PPM1L: variants seen among roughly 807,000 people sequenced by gnomAD.
The protein encoded by PPM1L is protein phosphatase, Mg2+/Mn2+ dependent 1L.
In PPM1L, 13 loss-of-function variants were observed where a neutral mutation model predicts 31.4. That is an observed-to-expected ratio of 0.41 (90% CI 0.27 to 0.66). PPM1L has a LOEUF of 0.66. Among genes scored for constraint, PPM1L ranks in the 30% least tolerant of loss-of-function variants. The pLI is 0.29. For missense variants in PPM1L, 326 were observed against 453.7 expected, an observed-to-expected ratio of 0.72 and a Z score of 2.56; for synonymous variants, 184 against 175.4, an observed-to-expected ratio of 1.05 and a Z score of -0.39.
intron 1 of PPM1L, among the ~76,000 whole-genome samples, chr3:160,786,558 T>C (rs1711939067): frequency 6.6e-6 from 1 of 151,432 alleles, no homozygotes; most frequent in South Asian, 2.1e-4. Context: ...GAACATCTTC[T>C]TATGGAATAA....
rs1250397942 is a variant in PPM1L at position 161,072,174 on chromosome 3, A to G, written c.*3017A>G. ...AATTAATTGTATCTAAAATTCTTTC[A>G]TCATAGGAATAAACAACACATATAG... On this transcript the variant is annotated 3_prime_UTR_variant, in exon 4 of 4. Coordinates refer to ENST00000498165, the MANE Select transcript of PPM1L (RefSeq NM_139245.4). 6.6e-6 allele frequency: 1 copy of G among 152,220 alleles called. No homozygotes were observed. Among genetic ancestry groups the G allele is most frequent in the East Asian group, 1.9e-4 (1 of 5,196 alleles). 9.4% of individuals were successfully genotyped at this position (152,220 alleles called of 1,614,324 possible).
intron 2 of PPM1L, among the ~76,000 whole-genome samples, chr3:160,985,271 G>T (rs548717724): frequency 6.6e-6 from 1 of 152,254 alleles, no homozygotes; most frequent in South Asian, 2.1e-4. Flanking sequence ...AGTGTACACT[G>T]TACCCAATGT....
chr3:160,894,172 C>A (rs1713255361), intron 1 of PPM1L, among the ~76,000 whole-genome samples: 1 of 152,180 alleles, frequency 6.6e-6, no homozygotes, highest in Non-Finnish European at 1.5e-5. Flanking sequence ...CTACAAAAAA[C>A]ATTGACAGCC....
intron 2 of PPM1L, among the ~76,000 whole-genome samples, chr3:160,973,613 G>C (rs1716428787): frequency 2.0e-5 from 3 of 152,186 alleles, no homozygotes; most frequent in African/African-American, 7.2e-5. Flanking sequence ...TAGGTAAAAT[G>C]CATCCTTGGT....
chr3:161,005,838 A>G (rs1717685625), intron 2 of PPM1L, among the ~76,000 whole-genome samples: 1 of 152,210 alleles, frequency 6.6e-6, no homozygotes, highest in Non-Finnish European at 1.5e-5. Flanking sequence ...AGAAGGTGCA[A>G]AGATTAAAAT....
chr3:160,941,093 T>A (rs1444697216), intron 1 of PPM1L, among the ~76,000 whole-genome samples: 1 of 152,214 alleles, frequency 6.6e-6, no homozygotes, highest in Admixed American at 6.5e-5. Context: ...GGGACTTGCA[T>A]GGACTCTGTA....
intron 1 of PPM1L, among the ~76,000 whole-genome samples, chr3:160,887,519 A>G (rs989546668): frequency 6.6e-6 from 1 of 152,080 alleles, no homozygotes; most frequent in Admixed American, 6.5e-5. Context: ...GATTAACAGC[A>G]GATCTCTCAG....
chr3:160,908,438 G>A (rs1476864348), intron 1 of PPM1L, among the ~76,000 whole-genome samples: 2 of 152,102 alleles, frequency 1.3e-5, no homozygotes, highest in African/African-American at 4.8e-5. Context: ...GTTTCCTGGA[G>A]CCTTGTTTTA....
intron 1 of PPM1L, among the ~76,000 whole-genome samples, chr3:160,814,045 A>G (rs1354469602): frequency 6.6e-6 from 1 of 152,250 alleles, no homozygotes; most frequent in African/African-American, 2.4e-5. Context: ...TTTATCTTTT[A>G]AAAACTGCAA....
chr3:160,832,212 G>A lies in PPM1L; in HGVS notation c.399+75505G>A, dbSNP rs150506644. ...GTTTTACTCCCTGAGTGGATACACT[G>A]CTATGTACAATGGCAGTGGAGGAGA... On this transcript the variant is annotated intron_variant, in intron 1 of 3. Coordinates refer to ENST00000498165, the MANE Select transcript of PPM1L (RefSeq NM_139245.4). Among the ~76,000 whole-genome samples, 625 of 152,246 alleles carry A rather than the reference G, an allele frequency of 4.1e-3. 2 individuals are homozygous for A. Among genetic ancestry groups the A allele is most frequent in the African/African-American group, 0.015 (607 of 41,554 alleles).
At chr3:161,006,697 T>C (rs1202680012) in intron 2 of PPM1L, among the ~76,000 whole-genome samples, 1 of 149,190 alleles carries the variant, frequency 6.7e-6, no homozygotes, top group Non-Finnish European at 1.5e-5. Flanking sequence ...TTTTTTTTTT[T>C]TTTGAGACGG....
intron 1 of PPM1L, among the ~76,000 whole-genome samples, chr3:160,775,144 A>G (rs1162548690): frequency 6.6e-6 from 1 of 152,210 alleles, no homozygotes; most frequent in Non-Finnish European, 1.5e-5. Flanking sequence ...CCCATTTTAC[A>G]GTTGGGGAAA....
At chr3:160,990,361 T>C (rs1717093796) in intron 2 of PPM1L, among the ~76,000 whole-genome samples, 1 of 152,128 alleles carries the variant, frequency 6.6e-6, no homozygotes. Context: ...GATAATATAA[T>C]CTACCTATAT....
chr3:161,049,504 C>G (rs1719200245), intron 2 of PPM1L, among the ~76,000 whole-genome samples: 1 of 152,164 alleles, frequency 6.6e-6, no homozygotes, highest in African/African-American at 2.4e-5. Flanking sequence ...TAATAAGGTT[C>G]TACATCTTGC....
chr3:161,003,724 T>C (rs896905453), intron 2 of PPM1L, among the ~76,000 whole-genome samples: 22 of 152,232 alleles, frequency 1.4e-4, no homozygotes, highest in Non-Finnish European at 2.9e-4. Flanking sequence ...GCCTATCAGC[T>C]TAAGGAGATT....
intron 2 of PPM1L, among the ~76,000 whole-genome samples, chr3:160,968,022 C>T (rs1432697432): frequency 1.3e-5 from 2 of 152,030 alleles, no homozygotes; most frequent in Non-Finnish European, 2.9e-5. Context: ...TCTCCTTACA[C>T]AGCCACATAA....
At chr3:160,882,169 C>A (rs1258433842) in intron 1 of PPM1L, 1 of 152,052 alleles carries the variant, frequency 6.6e-6, no homozygotes. Flanking sequence ...TATTAATTTC[C>A]CAAGATTCAT....
At chr3:160,799,836 A>G (rs1422362340) in intron 1 of PPM1L, among the ~76,000 whole-genome samples, 1 of 152,132 alleles carries the variant, frequency 6.6e-6, no homozygotes, top group Non-Finnish European at 1.5e-5. Flanking sequence ...GATACTTCCC[A>G]ACACCTTACT....
intron 1 of PPM1L, among the ~76,000 whole-genome samples, chr3:160,906,149 G>C (rs568006646): frequency 1.3e-5 from 2 of 151,896 alleles, no homozygotes; most frequent in East Asian, 3.9e-4. Context: ...TTTTCTATTG[G>C]ATTCTACAAA....
Sources: gnomAD v4.1 joint callset for allele counts (sites outside exome capture counted in the v4.1 genomes callset) on GRCh38, gnomAD v4.1.1 for gene constraint, MANE v1.5 for transcripts, NCBI Gene and HGNC (gene_info 2026-07-23, HGNC 2026-07-21) for gene names.